The following SPAG17 variants were observed in gnomAD, a reference collection of about 807,000 sequenced individuals.
The protein encoded by SPAG17 is sperm-associated antigen 17.
Under a neutral mutation model 273.6 loss-of-function variants are expected in SPAG17, and 169 were observed. That is an observed-to-expected ratio of 0.62 (90% CI 0.55 to 0.70). SPAG17 has a LOEUF of 0.70. SPAG17 is among the 30% of genes least tolerant of loss of function. The probability of loss-of-function intolerance (pLI) is 0.00; values close to 1 mark genes in which losing one functional copy is unlikely to be tolerated. For synonymous variants in SPAG17, 825 were observed against 873.2 expected, an observed-to-expected ratio of 0.94 and a Z score of 0.97; for missense variants, 2,557 against 2,627.8, an observed-to-expected ratio of 0.97 and a Z score of 0.59.
rs768252732 is a variant in SPAG17 at position 118,101,713 on chromosome 1, C to G, written c.634+27G>C. On this transcript the variant is annotated intron_variant, in intron 5 of 48. Coordinates refer to ENST00000336338, the MANE Select transcript of SPAG17 (RefSeq NM_206996.4). ...GCCACTGTGTTTCACTCGTGAAAGG[C>G]ACCGCCGGCAGCAGCACCTTACTGA... The G allele has an allele frequency of 3.8e-6, 6 of 1,597,718 alleles. No homozygotes were observed. In the East Asian group the frequency reaches 1.3e-4, roughly 36 times the overall value.
Position 118,031,808 on chromosome 1 carries a change from C to A in SPAG17, c.3493G>T (p.Val1165Leu). The A allele has an allele frequency of 4.3e-6, 7 of 1,613,764 alleles. No individual in the cohort carries two copies. The highest frequency in any genetic ancestry group is 5.9e-6 in the Non-Finnish European group (7 of 1,179,816). ...GGAACGGTCACTATAACAGGAACCA[C>A]TGTTGGAGTGAGTGCTGAAGGGATA... ...LNIPSALTPT[V>L]VPVIVTVPQS... The change falls in exon 25 of 49, where the codon GTG (valine) becomes TTG (leucine). Residue 1165 changes from valine (V) to leucine (L), a missense_variant. Coordinates refer to ENST00000336338, the MANE Select transcript of SPAG17 (RefSeq NM_206996.4).
At position 118,025,785 on chromosome 1, in the gene SPAG17, C is replaced by T. The variant is rs563207758; in HGVS notation, c.3731-369G>A. On this transcript the variant is annotated intron_variant, in intron 26 of 48. Coordinates refer to ENST00000336338, the MANE Select transcript of SPAG17 (RefSeq NM_206996.4). ...GTGATTACAGGTGTGAGACACCATG[C>T]CTGGTGCTTAATTATTTTCTTTTGT... is the stretch of plus-strand genomic sequence containing the variant. 2.6e-5 allele frequency among the ~76,000 whole-genome samples: 4 copies of T among 152,266 alleles called. No homozygotes were observed. In the East Asian group the frequency reaches 7.7e-4, roughly 29 times the overall value.
At chr1:118,062,284 A>G (rs982824604) in intron 18 of SPAG17, among the ~76,000 whole-genome samples, 33 of 139,734 alleles carry the variant, frequency 2.4e-4, no homozygotes, top group African/African-American at 8.2e-4. Flanking sequence ...GGAGAATGGC[A>G]CGAACCCGGG....
At chr1:118,049,538 A>G (rs899962987) in intron 20 of SPAG17, among the ~76,000 whole-genome samples, 2 of 152,212 alleles carry the variant, frequency 1.3e-5, no homozygotes, top group Non-Finnish European at 2.9e-5. Context: ...CATAATAAAA[A>G]CTCTCAACAA....
chr1:118,108,455 C>G (rs944957126), intron 4 of SPAG17, among the ~76,000 whole-genome samples: 3 of 152,166 alleles, frequency 2.0e-5, no homozygotes, highest in African/African-American at 7.2e-5. Flanking sequence ...GCAAAGCTGA[C>G]CCCCTAAGTT....
At chr1:118,087,036 G>T (rs755775839) in intron 10 of SPAG17, 28 bp from the exon 11 acceptor site, 1 of 1,538,622 alleles carries the variant, frequency 6.5e-7, no homozygotes, top group Admixed American at 2.2e-5. Flanking sequence ...GAGAGGAATT[G>T]GTGTAAGGGT....
At position 118,129,495 on chromosome 1, in the gene SPAG17, A is replaced by T. The variant is rs192185889; in HGVS notation, c.316-14054T>A. On this transcript the variant is annotated intron_variant, in intron 3 of 48. Transcript: ENST00000336338. ...CTCAGGTGATTCTGATATACGCTAG[A>T]TTTGAGAACCATTGTTTTGTACCTG... Among the ~76,000 whole-genome samples the T allele has an allele frequency of 3.7e-3, 571 of 152,280 alleles. 4 individuals are homozygous for T. Among genetic ancestry groups the T allele is most frequent in the African/African-American group, 0.013 (545 of 41,568 alleles).
chr1:118,099,757 C>T lies in SPAG17; in HGVS notation c.678G>A (p.Val226=), dbSNP rs1372820003. ...CTAATAGCTGAGGATTGTTAAAGCC[C>T]ACAACTATAATGTAATGTTGGGCAC... ...DDGAQHYIIV[V]GFNNPQLLAI... The change falls in exon 6 of 49, where the codon GTG becomes GTA. Residue 226 remains valine (V), a synonymous_variant. Transcript: ENST00000336338. 6.2e-7 allele frequency: 1 copy of T among 1,613,078 alleles called. No individual in the cohort carries two copies. Among genetic ancestry groups the T allele is most frequent in the East Asian group, 2.2e-5 (1 of 44,884 alleles).
intron 4 of SPAG17, among the ~76,000 whole-genome samples, chr1:118,109,543 A>T (rs1398259427): frequency 2.2e-5 from 3 of 134,338 alleles, no homozygotes; most frequent in African/African-American, 5.4e-5. Flanking sequence ...CAACAGAGTG[A>T]AACTCTGTCT....
chr1:117,959,460 G>T, intron 48 of SPAG17: 2 of 1,578,834 alleles, frequency 1.3e-6, no homozygotes, highest in Middle Eastern at 1.7e-4. Context: ...CTGAAATGTG[G>T]TATCTTTTTT....
chr1:118,099,392 T>G (rs1245714559), intron 6 of SPAG17, among the ~76,000 whole-genome samples: 2 of 152,184 alleles, frequency 1.3e-5, no homozygotes, highest in African/African-American at 4.8e-5. Flanking sequence ...ATACAGGGTA[T>G]GATACAGGGG....
chr1:118,111,553 A>ACACACACACAC (rs6143395), intron 4 of SPAG17, among the ~76,000 whole-genome samples: 218 of 135,928 alleles, frequency 1.6e-3, no homozygotes, highest in African/African-American at 6.0e-3. Flanking sequence ...CTTTTAAAAC[A>ACACACACACAC]ACACACACAC....
chr1:118,031,297 C>T (rs894736848), intron 25 of SPAG17, among the ~76,000 whole-genome samples: 2 of 149,934 alleles, frequency 1.3e-5, no homozygotes, highest in African/African-American at 4.9e-5. Flanking sequence ...AAACTGTTTC[C>T]ATTGTTTGGT....
At chr1:118,051,438 T>C (rs1043217974) in intron 20 of SPAG17, among the ~76,000 whole-genome samples, 1 of 151,994 alleles carries the variant, frequency 6.6e-6, no homozygotes, top group Non-Finnish European at 1.5e-5. Context: ...GGTATCTGCA[T>C]GCCCATGTTT....
intron 3 of SPAG17, among the ~76,000 whole-genome samples, chr1:118,142,316 A>G (rs12033286): frequency 0.075 from 11,490 of 152,270 alleles, 567 homozygotes; most frequent in East Asian, 0.26. Flanking sequence ...ATCAGGGGCC[A>G]GGGTGCAGGA....
chr1:117,979,726 A>G (rs369804866), intron 43 of SPAG17, among the ~76,000 whole-genome samples: 68 of 152,164 alleles, frequency 4.5e-4, no homozygotes, highest in African/African-American at 1.5e-3. Flanking sequence ...CCTTTGCTCA[A>G]TTTGTTCTAG....
In SPAG17 at chr1:118,036,843, T is replaced by A. The variant is rs1381982417; in HGVS notation, c.3360A>T (p.Gly1120=). 1 of 1,561,254 alleles carries A rather than the reference T, an allele frequency of 6.4e-7. No homozygotes were observed. The highest frequency in any genetic ancestry group is 8.7e-7 in the Non-Finnish European group (1 of 1,151,070). ...DAKNKAFSKF[G]SFSATLENGI... ...CATTTTCTAAGGTGGCAGAAAAAGATCCAAACTTGCTGAAAGCTTTATTCT... is the reference window on the plus strand; with the variant it reads ...CATTTTCTAAGGTGGCAGAAAAAGAACCAAACTTGCTGAAAGCTTTATTCT... The change falls in exon 24 of 49, where the codon GGA becomes GGT. Residue 1120 remains glycine (G), a synonymous_variant. Coordinates refer to ENST00000336338, the MANE Select transcript of SPAG17 (RefSeq NM_206996.4).
chr1:118,085,955 T>C lies in SPAG17; in HGVS notation c.1729A>G (p.Thr577Ala). 1 of 1,611,440 alleles carries C rather than the reference T, an allele frequency of 6.2e-7. No homozygotes were observed. The highest frequency in any genetic ancestry group is 8.5e-7 in the Non-Finnish European group (1 of 1,179,098). ...CAAAAGTGCATAAGCTCATGAATTG[T>C]AGCTAGACGTTTAGTGTTGTTCCAT... ...PPWNNTKRLATIHELMHFCTS... is the reference protein window; with the variant it reads ...PPWNNTKRLAAIHELMHFCTS... Residue 577 changes from threonine to alanine, a missense_variant, in exon 13 of 49, where the codon ACA becomes GCA. Transcript: ENST00000336338.
chr1:117,980,487 C>T (rs1655673182), intron 43 of SPAG17, among the ~76,000 whole-genome samples: 1 of 152,192 alleles, frequency 6.6e-6, no homozygotes, highest in Admixed American at 6.5e-5. Flanking sequence ...CCACCTCAGC[C>T]TCTTAAAGTG....
Sources: gnomAD v4.1 joint callset for allele counts (sites outside exome capture counted in the v4.1 genomes callset) on GRCh38, gnomAD v4.1.1 for gene constraint, MANE v1.5 for transcripts, NCBI Gene and HGNC (gene_info 2026-07-23, HGNC 2026-07-21) for gene names.